Variants in CACNA1I observed in about 807,000 individuals in gnomAD.
The protein encoded by CACNA1I is calcium voltage-gated channel subunit alpha1 I.
Under a neutral mutation model 201.6 loss-of-function variants are expected in CACNA1I, and 74 were observed. That is an observed-to-expected ratio of 0.37 (90% CI 0.30 to 0.45). CACNA1I has a LOEUF of 0.45. CACNA1I is among the 20% of genes least tolerant of loss of function. The pLI, the probability that CACNA1I is intolerant of heterozygous loss-of-function variation, is 1.00. For synonymous variants in CACNA1I, 1,431 were observed against 1,345.2 expected (o/e 1.06, Z -1.40); for missense variants, 2,346 against 3,138.1 (o/e 0.75, Z 6.03).
rs1238512256 is a variant in CACNA1I, at chr22:39,639,763, G to T, written c.741-1104G>T. Among the ~76,000 whole-genome samples the T allele has an allele frequency of 7.2e-5, 11 of 152,154 alleles. No individual in the cohort carries two copies. In the East Asian group the frequency reaches 2.1e-3, roughly 29 times the overall value. On this transcript the variant is annotated intron_variant, in intron 5 of 36. Coordinates refer to ENST00000402142, the MANE Select transcript of CACNA1I (RefSeq NM_021096.4). ...TGCAGGTCTGAAAAGCCATCTCTGT[G>T]ATATACTAAGTTCTCCTTTGTACAT...
chr22:39,638,804 A>G (rs1421795819), intron 5 of CACNA1I, among the ~76,000 whole-genome samples: 1 of 152,194 alleles, frequency 6.6e-6, no homozygotes. Context: ...GACCAGAGCA[A>G]GGGGATGGTT....
intron 2 of CACNA1I, among the ~76,000 whole-genome samples, chr22:39,599,243 CA>C (rs2145826947): frequency 6.7e-6 from 1 of 148,832 alleles, no homozygotes; most frequent in African/African-American, 2.5e-5. Flanking sequence ...CCACTGTGCC[CA>C]GCCTCTGCCT....
chr22:39,649,549 T>C lies in CACNA1I; in HGVS notation c.1616T>C (p.Val539Ala), dbSNP rs952792829. 2.6e-6 allele frequency: 4 copies of C among 1,552,574 alleles called. No individual in the cohort carries two copies. The African/African-American group carries it at 4.1e-5, about 16-fold the overall frequency. ...CTGGATGCGACGCCCCACACCCTGG[T>C]GCAGCCCATCCCCGCCACGCTGGCT... is the stretch of plus-strand genomic sequence containing the variant. ...SPLDATPHTL[V>A]QPIPATLASD... is the part of the protein sequence containing the mutation. Residue 539 changes from valine to alanine, a missense_variant, in exon 10 of 37, where the codon GTG (valine) becomes GCG (alanine). By Grantham distance (64) the Val-to-Ala change is moderately conservative. This residue lies in a region of CACNA1I where 312 missense variants were observed against 331.5 expected (regional missense o/e 0.94). Coordinates refer to ENST00000402142, the MANE Select transcript of CACNA1I (RefSeq NM_021096.4). This position sits in a 1 kb window ranked among gnomAD's most constrained non-coding sequence, Gnocchi z 7.3.
intron 3 of CACNA1I, among the ~76,000 whole-genome samples, chr22:39,608,518 A>T (rs890379668): frequency 1.1e-4 from 16 of 152,172 alleles, no homozygotes; most frequent in Middle Eastern, 3.2e-3. Flanking sequence ...CCTTGGCTAG[A>T]GGGTGAGAAG....
intron 10 of CACNA1I, among the ~76,000 whole-genome samples, chr22:39,651,598 G>T (rs1934650484): frequency 6.6e-6 from 1 of 152,168 alleles, no homozygotes; most frequent in African/African-American, 2.4e-5. Context: ...GCCCCACAGG[G>T]AATGAGTGCT....
In CACNA1I at chr22:39,666,885, A is replaced by C. The variant is rs1935215654; in HGVS notation, c.4104+879A>C. Among the ~76,000 whole-genome samples, 1 of 152,170 alleles carries C rather than the reference A, an allele frequency of 6.6e-6. No individual in the cohort carries two copies. Among genetic ancestry groups the C allele is most frequent in the Admixed American group, 6.5e-5 (1 of 15,282 alleles). On this transcript the variant is annotated intron_variant, in intron 23 of 36. Transcript: ENST00000402142. This position sits in a 1 kb window ranked among gnomAD's most constrained non-coding sequence, Gnocchi z 4.1. ...CACTACCCCTGCCCTCCTGGGGAAA[A>C]GATGTCTTAGGAAGTTGAGGGGGAA...
Position 39,686,287 on chromosome 22 carries a change from G to T in CACNA1I, c.6554G>T (p.Ser2185Ile). ...AGCCCCTCGTGGGCCGCGGACCGCA[G>T]CAAGGACCCCCCCGGCCGGGCACCG... The part of the protein sequence containing the change: ...ARSPSWAADR[S>I]KDPPGRAPLP... The change falls in exon 37 of 37, where the codon AGC (serine) becomes ATC (isoleucine). Residue 2185 changes from serine to isoleucine, a missense_variant. Around this residue, in one of 13 missense-constraint regions of CACNA1I, gnomAD observed 187 missense variants for 151.0 expected, o/e 1.24. Coordinates refer to ENST00000402142, the MANE Select transcript of CACNA1I (RefSeq NM_021096.4). The T allele has an allele frequency of 7.6e-7, 1 of 1,321,164 alleles. No homozygotes were observed. Among genetic ancestry groups the T allele is most frequent in the Non-Finnish European group, 9.7e-7 (1 of 1,031,496 alleles). 81.8% of individuals were successfully genotyped at this position (1,321,164 alleles called of 1,614,324 possible).
In CACNA1I at chr22:39,570,955, C is replaced by T; in HGVS notation, c.203C>T (p.Pro68Leu). ...TTCTGCCTGCGACAGACCACCAGCCCCCGGAACTGGTGCATCAAGATGGTG... is the reference window on the plus strand; with the variant it reads ...TTCTGCCTGCGACAGACCACCAGCCTCCGGAACTGGTGCATCAAGATGGTG... ...AFFCLRQTTS[P>L]RNWCIKMVCN... Residue 68 changes from proline (P) to leucine (L), a missense_variant, in exon 1 of 37, where the codon CCC becomes CTC. By Grantham distance (98) the Pro-to-Leu change is moderately conservative. This residue lies in a region of CACNA1I where 130 missense variants were observed against 160.7 expected (regional missense o/e 0.81). Transcript: ENST00000402142. 1 of 1,613,852 alleles carries T rather than the reference C, an allele frequency of 6.2e-7. No homozygotes were observed. Among genetic ancestry groups the T allele is most frequent in the Non-Finnish European group, 8.5e-7 (1 of 1,179,866 alleles).
chr22:39,684,513 C>T lies in CACNA1I; in HGVS notation c.6027+15C>T. 6.2e-7 allele frequency: 1 copy of T among 1,609,052 alleles called. No individual in the cohort carries two copies. Among genetic ancestry groups the T allele is most frequent in the Non-Finnish European group, 8.5e-7 (1 of 1,177,946 alleles). On this transcript the variant is annotated intron_variant, in intron 36 of 36. Coordinates refer to ENST00000402142, the MANE Select transcript of CACNA1I (RefSeq NM_021096.4). This position sits in a 1 kb window ranked among gnomAD's most constrained non-coding sequence, Gnocchi z 4.6. The stretch of plus-strand genomic sequence containing the variant: ...TCCTCCGGCAGGTACCGACACCTCC[C>T]AGGCCCTAGAGCACTGGTCTGTGGG...
Position 39,663,810 on chromosome 22 carries a change from T to C in CACNA1I, c.3566T>C (p.Leu1189Pro). 6.2e-7 allele frequency: 1 copy of C among 1,610,818 alleles called. No individual in the cohort carries two copies. Among genetic ancestry groups the C allele is most frequent in the Non-Finnish European group, 8.5e-7 (1 of 1,177,914 alleles). The change falls in exon 19 of 37, where the codon CTG (leucine) becomes CCG (proline). Residue 1189 changes from leucine to proline, a missense_variant. Leu to Pro is a moderately conservative substitution (Grantham distance 98, BLOSUM62 -3). Transcript: ENST00000402142. ...FIFLNCITIA[L>P]ERPQIEAGST... ...TTTCTCAACTGCATCACCATCGCCC[T>C]GGAGCGGCCTCAGATCGAGGCCGGC... is the stretch of plus-strand genomic sequence containing the variant.
chr22:39,660,418 A>G lies in CACNA1I; in HGVS notation c.2679A>G (p.Glu893=). 1 of 1,611,994 alleles carries G rather than the reference A, an allele frequency of 6.2e-7. No homozygotes were observed. The highest frequency in any genetic ancestry group is 8.5e-7 in the Non-Finnish European group (1 of 1,179,256). Residue 893 remains glutamate (E), a synonymous_variant, in exon 15 of 37, where the codon GAA becomes GAG. Coordinates refer to ENST00000402142, the MANE Select transcript of CACNA1I (RefSeq NM_021096.4). ...TAGAAGAGTTTGATAAGCTCCAGGA[A>G]GGCCTGGACAGCAGCGGAGGTAAAC... The part of the protein sequence containing the change: ...SNIEEFDKLQ[E]GLDSSGDPKL...
In CACNA1I at chr22:39,575,935, G is replaced by A. The variant is rs35194476; in HGVS notation, c.236+4947G>A. ...AATTACAGAAGCGCACCACCATGCC[G>A]GGCTAATTTTGAATTTTTAATAAGA... On this transcript the variant is annotated intron_variant, in intron 1 of 36. Transcript: ENST00000402142. 3.4e-4 allele frequency among the ~76,000 whole-genome samples: 52 copies of A among 152,094 alleles called. No individual in the cohort carries two copies. The South Asian group carries it at 9.6e-3, about 28-fold the overall frequency.
chr22:39,661,454 G>A (rs1292350307), intron 16 of CACNA1I, 144 bp downstream of exon 16: 11 of 631,850 alleles, frequency 1.7e-5, no homozygotes, highest in African/African-American at 1.7e-4. Context: ...TGCATTCCTG[G>A]GTGCCCAGTG....
At chr22:39,579,490 T>C (rs562206851) in intron 1 of CACNA1I, among the ~76,000 whole-genome samples, 13 of 152,032 alleles carry the variant, frequency 8.6e-5, no homozygotes, top group East Asian at 1.9e-4. Context: ...AGAAGAGAGG[T>C]TTATTTGGCT....
chr22:39,644,760 T>A (rs1010648133), intron 7 of CACNA1I, among the ~76,000 whole-genome samples: 26 of 152,000 alleles, frequency 1.7e-4, no homozygotes, highest in African/African-American at 5.6e-4. Flanking sequence ...CAATCATAGC[T>A]CGCTGCAGCC....
Position 39,594,357 on chromosome 22 carries a change from C to T in CACNA1I, c.237-3794C>T, listed in dbSNP as rs1053440036. Reference sequence around the variant, plus strand: ...GATGGGGCTGGAAGGAGAGAGCGCACGACAGGAAGAGGGGAAAGGCGAGGG... The same window carrying T: ...GATGGGGCTGGAAGGAGAGAGCGCATGACAGGAAGAGGGGAAAGGCGAGGG... On this transcript the variant is annotated intron_variant, in intron 1 of 36. Coordinates refer to ENST00000402142, the MANE Select transcript of CACNA1I (RefSeq NM_021096.4). 3.3e-5 allele frequency among the ~76,000 whole-genome samples: 5 copies of T among 151,724 alleles called. No homozygotes were observed. The South Asian group carries it at 8.4e-4, about 25-fold the overall frequency.
intron 3 of CACNA1I, among the ~76,000 whole-genome samples, chr22:39,610,215 C>T (rs192918708): frequency 1.3e-5 from 2 of 152,324 alleles, no homozygotes; most frequent in African/African-American, 4.8e-5. Flanking sequence ...CTCAGATGCA[C>T]TGGGTGCTCT....
intron 8 of CACNA1I, 51 bp downstream of exon 8, chr22:39,646,932 C>A: frequency 6.9e-7 from 1 of 1,447,020 alleles, no homozygotes; most frequent in South Asian, 1.5e-5. Context: ...TGCCAAGTGT[C>A]ACTCCTTTCC....
At chr22:39,661,849 C>T in intron 16 of CACNA1I, 116 bp from the exon 17 acceptor site, 1 of 617,004 alleles carries the variant, frequency 1.6e-6, no homozygotes, top group Admixed American at 3.4e-5. Context: ...CCATCACCCG[C>T]TGGCCAGGTG....
Sources: allele counts gnomAD v4.1 joint callset (sites outside exome capture counted in the v4.1 genomes callset), GRCh38; gene constraint gnomAD v4.1.1; regional missense constraint gnomAD v4.1.1; non-coding constraint Gnocchi (gnomAD v3.1); transcripts MANE v1.5; gene names NCBI Gene and HGNC (gene_info 2026-07-23, HGNC 2026-07-21).